The following GLS variants were observed in gnomAD, a reference collection of about 807,000 sequenced individuals.
GLS encodes glutaminase.
GLS carries 36 observed loss-of-function variants against 86.7 expected under a neutral mutation model. That is an observed-to-expected ratio of 0.42 (90% CI 0.32 to 0.55). The LOEUF is 0.55. Ranked by LOEUF, GLS falls within the 20% of genes least tolerant of loss-of-function variation. GLS has a pLI of 0.17. For missense variants in GLS, 528 were observed against 833.4 expected (o/e 0.63, Z 4.51); for synonymous variants, 317 against 305.9 (o/e 1.04, Z -0.38).
Position 190,881,568 on chromosome 2 carries a change from T to C in GLS, c.386+98T>C, listed in dbSNP as rs1469671298. On this transcript the variant is annotated intron_variant, in intron 1 of 17. Coordinates refer to ENST00000320717, the MANE Select transcript of GLS (RefSeq NM_014905.5). ...GGTGGGGCGGGATAGGAGCCGAGGG[T>C]CTAGAAAAGAGAAAGAAAGAGGTGC... The C allele has an allele frequency of 6.1e-6, 7 of 1,155,886 alleles. No individual in the cohort carries two copies. The East Asian group carries it at 1.5e-4, about 26-fold the overall frequency. The allele number at this position is 1,155,886 out of a possible 1,614,324, so 71.6% of individuals were successfully genotyped here. A position where few individuals can be genotyped will look rare whatever the true frequency, so the allele number is the denominator to read the frequency against.
intron 7 of GLS, among the ~76,000 whole-genome samples, chr2:190,916,510 G>A (rs1011515121): frequency 6.6e-6 from 1 of 152,066 alleles, no homozygotes; most frequent in Non-Finnish European, 1.5e-5. Flanking sequence ...AATATGACAT[G>A]TTAATGATTA....
intron 17 of GLS, among the ~76,000 whole-genome samples, chr2:190,957,213 C>G (rs1358909368): frequency 6.6e-6 from 1 of 152,206 alleles, no homozygotes; most frequent in Non-Finnish European, 1.5e-5. Context: ...GCCTCAGCCT[C>G]CCGAGTAGCT....
intron 1 of GLS, among the ~76,000 whole-genome samples, chr2:190,884,348 C>G (rs1688306080): frequency 6.6e-6 from 1 of 152,214 alleles, no homozygotes. Flanking sequence ...AATTTTAAGT[C>G]TGTACCCTGA....
At chr2:190,894,347 GT>G (rs71030312) in intron 1 of GLS, among the ~76,000 whole-genome samples, 92,315 of 151,858 alleles carry the variant, frequency 0.61, 29,572 homozygotes, top group Admixed American at 0.73. Context: ...TTGAATGTAC[GT>G]TTTTTTATTT....
intron 7 of GLS, among the ~76,000 whole-genome samples, chr2:190,912,779 A>G (rs941595449): frequency 6.6e-6 from 1 of 152,176 alleles, no homozygotes; most frequent in Non-Finnish European, 1.5e-5. Flanking sequence ...TTTAGTTAGC[A>G]TAGTTATATT....
intron 14 of GLS, among the ~76,000 whole-genome samples, chr2:190,950,950 C>T (rs561434881): frequency 6.6e-6 from 1 of 152,220 alleles, no homozygotes; most frequent in Non-Finnish European, 1.5e-5. Flanking sequence ...TGAACTGGAG[C>T]CAGGGTGAGA....
At chr2:190,886,462 C>A (rs1005923881) in intron 1 of GLS, among the ~76,000 whole-genome samples, 1 of 152,092 alleles carries the variant, frequency 6.6e-6, no homozygotes, top group African/African-American at 2.4e-5. Context: ...TCAGCTAATC[C>A]ATGAAATGAC....
chr2:190,904,595 G>A (rs1689067545), intron 5 of GLS, among the ~76,000 whole-genome samples: 1 of 151,982 alleles, frequency 6.6e-6, no homozygotes, highest in Non-Finnish European at 1.5e-5. Context: ...GGATAGTTGT[G>A]GCTGTAGTAA....
At position 190,880,833 on chromosome 2, in the gene GLS, T is replaced by C. The variant is rs370363185; in HGVS notation, c.-252T>C. On this transcript the variant is annotated 5_prime_UTR_variant, in exon 1 of 18. Coordinates refer to ENST00000320717, the MANE Select transcript of GLS (RefSeq NM_014905.5). The stretch of plus-strand genomic sequence containing the variant: ...GCGCTTTAGCCTCAGTGCGGAGCCT[T>C]AGGCGGAGCGAAGAGAACCGGTCGC... 3 of 754,608 alleles carry C rather than the reference T, an allele frequency of 4.0e-6. No homozygotes were observed. The highest frequency in any genetic ancestry group is 2.2e-6 in the Non-Finnish European group (1 of 449,868). The allele number at this position is 754,608 out of a possible 1,614,324, so 46.7% of individuals were successfully genotyped here.
Position 190,895,321 on chromosome 2 carries a change from AT to A in GLS, c.483+74del, listed in dbSNP as rs1688694680. On this transcript the variant is annotated intron_variant, in intron 2 of 17. Coordinates refer to ENST00000320717, the MANE Select transcript of GLS (RefSeq NM_014905.5). This position sits in a 1 kb window ranked among gnomAD's most constrained non-coding sequence, Gnocchi z 4.2. ...TAAATATATACAGTATTATTGAAAT[AT>A]AGTCTTAAAGGTCGTCTGACATGTA... The A allele has an allele frequency of 3.1e-6, 2 of 646,768 alleles. No individual in the cohort carries two copies. Among genetic ancestry groups the A allele is most frequent in the Admixed American group, 5.1e-5 (2 of 39,044 alleles). The allele number at this position is 646,768 out of a possible 1,614,324, so 40.1% of individuals were successfully genotyped here.
At chr2:190,882,069 A>G (rs1323871113) in intron 1 of GLS, 1 of 152,270 alleles carries the variant, frequency 6.6e-6, no homozygotes. Context: ...GGCACCGGAA[A>G]CAATGTTTCA....
Position 190,935,654 on chromosome 2 carries a change from ATTG to A in GLS, c.1650+4023_1650+4025del, listed in dbSNP as rs1167370076. Among the ~76,000 whole-genome samples, 2 of 151,284 alleles carry A rather than the reference ATTG, an allele frequency of 1.3e-5. No homozygotes were observed. The highest frequency in any genetic ancestry group is 1.9e-4 in the East Asian group (1 of 5,188). ...TTATTTCTGCTTTCTGAGGAGGAAT[ATTG>A]TTGTTATTCACTATGTAACTCTCAT... is the stretch of plus-strand genomic sequence containing the variant. On this transcript the variant is annotated intron_variant, in intron 14 of 17. Coordinates refer to ENST00000320717, the MANE Select transcript of GLS (RefSeq NM_014905.5). This position sits in a 1 kb window ranked among gnomAD's most constrained non-coding sequence, Gnocchi z 4.2.
rs1690668379 is a variant in GLS at position 190,949,726 on chromosome 2, A to G, written c.1651-3839A>G. On this transcript the variant is annotated intron_variant, in intron 14 of 17. Transcript: ENST00000320717. This position sits in a 1 kb window ranked among gnomAD's most constrained non-coding sequence, Gnocchi z 4.0. ...AAAATGCAGGGTTGGGGGCCGATAG[A>G]GGAATTAATTTTGCAATTTAATACC... 6.6e-6 allele frequency among the ~76,000 whole-genome samples: 1 copy of G among 152,056 alleles called. No homozygotes were observed. The highest frequency in any genetic ancestry group is 2.1e-4 in the South Asian group (1 of 4,828).
At position 190,935,076 on chromosome 2, in the gene GLS, C is replaced by A. The variant is rs11547781; in HGVS notation, c.1650+3439C>A. 1 of 946,940 alleles carries A rather than the reference C, an allele frequency of 1.1e-6. No individual in the cohort carries two copies. Among genetic ancestry groups the A allele is most frequent in the Non-Finnish European group, 1.3e-6 (1 of 795,536 alleles). The allele number at this position is 946,940 out of a possible 1,614,324, so 58.7% of individuals were successfully genotyped here. A position where few individuals can be genotyped will look rare whatever the true frequency, so the allele number is the denominator to read the frequency against. ...TGTAGCATATTTGATTTTCTTTTTT[C>A]TTTCTTTTTTTGGCATCATTAACAT... On this transcript the variant is annotated intron_variant, in intron 14 of 17. Coordinates refer to ENST00000320717, the MANE Select transcript of GLS (RefSeq NM_014905.5). The surrounding 1 kb of genome is among the most constrained non-coding windows in gnomAD (Gnocchi z 4.2).
At chr2:190,948,255 G>C (rs377562130) in intron 14 of GLS, among the ~76,000 whole-genome samples, 5 of 152,128 alleles carry the variant, frequency 3.3e-5, no homozygotes, top group Admixed American at 3.3e-4. Flanking sequence ...TTCCATGTTA[G>C]TCTTTAATAA....
chr2:190,922,200 A>G (rs1367667916), intron 9 of GLS, among the ~76,000 whole-genome samples: 1 of 152,166 alleles, frequency 6.6e-6, no homozygotes, highest in Non-Finnish European at 1.5e-5. Flanking sequence ...ACTTTATAAA[A>G]ACAGGCAGCA....
rs1480097053 is a variant in GLS at position 190,919,000 on chromosome 2, T to TA, written c.1039-2024_1039-2023insA. ...TAGAGCAAAAATGACTGATCACAGATCCCCATAAGACATCTAATAATTATC... is the reference window on the plus strand; with the variant it reads ...TAGAGCAAAAATGACTGATCACAGATACCCCATAAGACATCTAATAATTATC... On this transcript the variant is annotated intron_variant, in intron 7 of 17. Transcript: ENST00000320717. 2.0e-5 allele frequency among the ~76,000 whole-genome samples: 3 copies of TA among 151,922 alleles called. No homozygotes were observed. The East Asian group carries it at 5.8e-4, about 29-fold the overall frequency.
intron 1 of GLS, among the ~76,000 whole-genome samples, chr2:190,888,837 C>T (rs571586508): frequency 5.3e-5 from 8 of 152,166 alleles, no homozygotes; most frequent in African/African-American, 1.2e-4. Context: ...TAGCTATCCT[C>T]CTTCACTCTT....
At chr2:190,885,987 C>T (rs1688367245) in intron 1 of GLS, among the ~76,000 whole-genome samples, 1 of 152,010 alleles carries the variant, frequency 6.6e-6, no homozygotes, top group Non-Finnish European at 1.5e-5. Flanking sequence ...GTTCTCCTGC[C>T]TCAGCCCCCC....
Sources: gnomAD v4.1 joint callset for allele counts (sites outside exome capture counted in the v4.1 genomes callset) on GRCh38, gnomAD v4.1.1 for gene constraint, Gnocchi (gnomAD v3.1) non-coding constraint, MANE v1.5 for transcripts, NCBI Gene and HGNC (gene_info 2026-07-23, HGNC 2026-07-21) for gene names.